NAALADL2: variants seen among roughly 807,000 people sequenced by gnomAD.
NAALADL2 encodes N-acetylated alpha-linked acidic dipeptidase like 2.
In NAALADL2, 76 loss-of-function variants were observed where a neutral mutation model predicts 87.2. That is an observed-to-expected ratio of 0.87 (90% CI 0.72 to 1.05). NAALADL2 has a LOEUF of 1.05. NAALADL2 is among the 50% of genes least tolerant of loss of function. The pLI, the probability that NAALADL2 is intolerant of heterozygous loss-of-function variation, is 0.00. For missense variants in NAALADL2, 1,089 were observed against 945.8 expected (o/e 1.15, Z -1.99); for synonymous variants, 354 against 331.0 (o/e 1.07, Z -0.75).
chr3:174,751,976 CT>C (rs1458900788), intron 3 of NAALADL2, among the ~76,000 whole-genome samples: 1 of 151,490 alleles, frequency 6.6e-6, no homozygotes, highest in Non-Finnish European at 1.5e-5. Flanking sequence ...TTATTTTTTT[CT>C]TTTTCTTTTT....
At chr3:175,086,478 T>C (rs1205495055) in intron 1 of NAALADL2, among the ~76,000 whole-genome samples, 1 of 152,078 alleles carries the variant, frequency 6.6e-6, no homozygotes, top group Non-Finnish European at 1.5e-5. Context: ...ATATTTGACA[T>C]TTTAAAATTA....
chr3:174,625,561 A>C (rs1560101824), intron 2 of NAALADL2, among the ~76,000 whole-genome samples: 1 of 151,830 alleles, frequency 6.6e-6, no homozygotes, highest in Non-Finnish European at 1.5e-5. Flanking sequence ...TTTAGTTTGA[A>C]ATAAAATATT....
At chr3:175,541,720 C>T (rs982536295) in intron 9 of NAALADL2, among the ~76,000 whole-genome samples, 3 of 151,924 alleles carry the variant, frequency 2.0e-5, no homozygotes, top group African/African-American at 7.3e-5. Context: ...TTGTTGATCT[C>T]TGCTTGTTTG....
chr3:175,717,419 T>A (rs1741461536), intron 11 of NAALADL2, among the ~76,000 whole-genome samples: 1 of 152,094 alleles, frequency 6.6e-6, no homozygotes, highest in African/African-American at 2.4e-5. Flanking sequence ...AGGCCTAGTA[T>A]GATGGCTCAC....
At chr3:174,777,403 T>G (rs554474811) in intron 3 of NAALADL2, among the ~76,000 whole-genome samples, 2 of 152,278 alleles carry the variant, frequency 1.3e-5, no homozygotes, top group African/African-American at 4.8e-5. Flanking sequence ...GAAAATATTT[T>G]AAAAATGTAT....
chr3:175,531,508 T>C (rs553868854), intron 9 of NAALADL2, among the ~76,000 whole-genome samples: 1 of 152,342 alleles, frequency 6.6e-6, no homozygotes, highest in East Asian at 1.9e-4. Flanking sequence ...ATCAGTGTAA[T>C]GGACCAGTGT....
intron 2 of NAALADL2, among the ~76,000 whole-genome samples, chr3:174,605,160 G>C (rs993417205): frequency 6.6e-6 from 1 of 152,196 alleles, no homozygotes; most frequent in Admixed American, 6.5e-5. Context: ...AAACAAACAA[G>C]TAAAAGTAAA....
intron 11 of NAALADL2, among the ~76,000 whole-genome samples, chr3:175,669,178 C>G (rs1733603292): frequency 6.6e-6 from 1 of 151,950 alleles, no homozygotes; most frequent in Non-Finnish European, 1.5e-5. Context: ...GCAGCCCAAA[C>G]AAAATAAGAG....
At chr3:175,316,633 A>T (rs573549297) in intron 4 of NAALADL2, among the ~76,000 whole-genome samples, 1 of 152,300 alleles carries the variant, frequency 6.6e-6, no homozygotes, top group South Asian at 2.1e-4. Context: ...CCAAGGGACA[A>T]TCTGCCACCA....
At chr3:175,305,362 T>C (rs920845536) in intron 4 of NAALADL2, among the ~76,000 whole-genome samples, 3 of 152,112 alleles carry the variant, frequency 2.0e-5, no homozygotes, top group African/African-American at 7.2e-5. Flanking sequence ...TGTATGTTCT[T>C]ACAATTTTTG....
Position 175,183,250 on chromosome 3 carries a change from A to ATT in NAALADL2, c.546-50673_546-50672dup, listed in dbSNP as rs34202182. Among the ~76,000 whole-genome samples the ATT allele has an allele frequency of 9.6e-3, 1,446 of 150,006 alleles. 12 individuals are homozygous for ATT. Among genetic ancestry groups the ATT allele is most frequent in the Non-Finnish European group, 0.012 (786 of 67,418 alleles). On this transcript the variant is annotated intron_variant, in intron 2 of 13. Coordinates refer to ENST00000454872, the MANE Select transcript of NAALADL2 (RefSeq NM_207015.3). ...CTCCCGGTTAGATTTATTCCTAAGTATTTTTTTTTGTAATTATTGTAAATG... is the reference window on the plus strand; with the variant it reads ...CTCCCGGTTAGATTTATTCCTAAGTATTTTTTTTTTTGTAATTATTGTAAATG...
At chr3:175,246,256 T>C (rs1036202234) in intron 3 of NAALADL2, among the ~76,000 whole-genome samples, 2 of 152,172 alleles carry the variant, frequency 1.3e-5, no homozygotes, top group African/African-American at 4.8e-5. Context: ...TTATATATGA[T>C]AGTAGGAAAT....
At chr3:174,863,313 TC>T (rs1579253410) in intron 1 of NAALADL2, among the ~76,000 whole-genome samples, 1 of 152,224 alleles carries the variant, frequency 6.6e-6, no homozygotes, top group South Asian at 2.1e-4. Context: ...AGTAATGTTT[TC>T]CATATTGACG....
intron 2 of NAALADL2, among the ~76,000 whole-genome samples, chr3:175,133,715 A>AGAGAGGGAGAGGGAGACCGTGGG (rs1300093191): frequency 6.6e-6 from 1 of 152,116 alleles, no homozygotes; most frequent in African/African-American, 2.4e-5. Context: ...GACCGTGGAA[A>AGAGAGGGAGAGGGAGACCGTGGG]GAGAGGGAGA....
At chr3:174,821,140 TTAAA>T (rs1266216789) in intron 3 of NAALADL2, among the ~76,000 whole-genome samples, 4 of 152,312 alleles carry the variant, frequency 2.6e-5, no homozygotes, top group African/African-American at 9.6e-5. Flanking sequence ...ATGAGCAGAC[TTAAA>T]TAGTTTGGAG....
At chr3:175,405,562 A>G (rs186841210) in intron 5 of NAALADL2, among the ~76,000 whole-genome samples, 10 of 150,376 alleles carry the variant, frequency 6.7e-5, no homozygotes, top group African/African-American at 2.5e-4. Context: ...TTTCTTATGC[A>G]TAATTAAATG....
In NAALADL2 at chr3:175,663,461, T is replaced by C. The variant is rs558671318; in HGVS notation, c.1896+36075T>C. On this transcript the variant is annotated intron_variant, in intron 11 of 13. Transcript: ENST00000454872. ...CTCTCTATTTTTTAGTTGTCCTTGC[T>C]AAGAATTTGTTGATTTTATTTCATT... 2.0e-5 allele frequency among the ~76,000 whole-genome samples: 3 copies of C among 152,008 alleles called. No homozygotes were observed. In the South Asian group the frequency reaches 6.2e-4, roughly 31 times the overall value.
chr3:174,558,821 T>C (rs1713197565), intron 2 of NAALADL2, among the ~76,000 whole-genome samples: 2 of 152,172 alleles, frequency 1.3e-5, no homozygotes, highest in Non-Finnish European at 2.9e-5. Flanking sequence ...TCAAACATTT[T>C]GCCAACATGT....
rs140108631 is a variant in NAALADL2 at position 175,312,259 on chromosome 3, T to G, written c.940-11916T>G. 7.9e-5 allele frequency among the ~76,000 whole-genome samples: 12 copies of G among 152,308 alleles called. No individual in the cohort carries two copies. In the South Asian group the frequency reaches 2.5e-3, roughly 32 times the overall value. On this transcript the variant is annotated intron_variant, in intron 4 of 13. Transcript: ENST00000454872. Reference sequence around the variant, plus strand: ...TTATATATTACGTGTCCAGTATTTTTATTTTTCACATATGCTAGACCTATT... The same window carrying G: ...TTATATATTACGTGTCCAGTATTTTGATTTTTCACATATGCTAGACCTATT...
Sources: allele counts gnomAD v4.1 joint callset (sites outside exome capture counted in the v4.1 genomes callset), GRCh38; gene constraint gnomAD v4.1.1; transcripts MANE v1.5; gene names NCBI Gene and HGNC (gene_info 2026-07-23, HGNC 2026-07-21).